The following STK33 variants were observed in gnomAD, a reference collection of about 807,000 sequenced individuals.
The protein encoded by STK33 is serine/threonine-protein kinase 33.
A neutral mutation model predicts 58.0 loss-of-function variants in STK33; 52 were observed. The ratio of observed to expected loss-of-function variants is 0.90; its 90% confidence interval spans 0.72 to 1.13. The LOEUF (loss-of-function observed/expected upper bound fraction) is 1.13. Ranked by LOEUF, STK33 falls within the 50% of genes most tolerant of loss-of-function variation. The pLI, the probability that STK33 is intolerant of heterozygous loss-of-function variation, is 0.00. For synonymous variants in STK33, 215 were observed against 200.1 expected, an observed-to-expected ratio of 1.07 and a Z score of -0.63; for missense variants, 630 against 604.2, an observed-to-expected ratio of 1.04 and a Z score of -0.45.
At chr11:8,357,672 C>T in the STK33 span, among the ~76,000 whole-genome samples, 2 of 152,158 alleles carry the variant, frequency 1.3e-5, no homozygotes, top group Non-Finnish European at 2.9e-5. Context: ...CCTGCCCTCA[C>T]ACCCCTCCCC....
At chr11:8,575,448 C>T (rs1958110800) in intron 1 of STK33, among the ~76,000 whole-genome samples, 1 of 152,184 alleles carries the variant, frequency 6.6e-6, no homozygotes, top group East Asian at 1.9e-4. Flanking sequence ...TCTGATACAA[C>T]ATGGATGAAC....
intron 11 of STK33, among the ~76,000 whole-genome samples, chr11:8,449,398 G>T (rs1945969581): frequency 6.6e-6 from 1 of 151,548 alleles, no homozygotes; most frequent in African/African-American, 2.4e-5. Context: ...GTCCAACAAT[G>T]ATCAACTGGA....
the STK33 span, among the ~76,000 whole-genome samples, chr11:8,355,891 T>C: frequency 2.0e-4 from 30 of 152,316 alleles, no homozygotes; most frequent in South Asian, 4.3e-3. Context: ...ATCATCACAG[T>C]TGGCATGCAA....
chr11:8,416,374 G>A (rs1941125422), intron 14 of STK33, among the ~76,000 whole-genome samples: 1 of 152,068 alleles, frequency 6.6e-6, no homozygotes, highest in Admixed American at 6.6e-5. Context: ...TTAATTCTCA[G>A]TATTTCTAAC....
chr11:8,466,605 G>GCA (rs1948213423), intron 6 of STK33: 1 of 152,282 alleles, frequency 6.6e-6, no homozygotes, highest in Admixed American at 6.5e-5. Flanking sequence ...GACATTAAGT[G>GCA]TCTGTGGCCT....
chr11:8,342,489 G>T, the STK33 span, among the ~76,000 whole-genome samples: 4 of 152,226 alleles, frequency 2.6e-5, no homozygotes, highest in Non-Finnish European at 1.5e-5. Context: ...GCTACTGTTA[G>T]CTTCTTGCTT....
the STK33 span, among the ~76,000 whole-genome samples, chr11:8,373,087 G>C: frequency 1.3e-5 from 2 of 152,190 alleles, no homozygotes; most frequent in Non-Finnish European, 2.9e-5. Flanking sequence ...CCCATGTCTG[G>C]ACCTTGGCTG....
chr11:8,489,257 C>CAAAA (rs377017514), intron 1 of STK33, among the ~76,000 whole-genome samples: 3 of 64,312 alleles, frequency 4.7e-5, no homozygotes, highest in East Asian at 3.4e-4. Context: ...AAGCTATCTC[C>CAAAA]AAAAAAAAAA....
At chr11:8,589,212 G>A in intron 1 of STK33, among the ~76,000 whole-genome samples, 1 of 151,892 alleles carries the variant, frequency 6.6e-6, no homozygotes, top group East Asian at 1.9e-4. Flanking sequence ...ACTTGTACAT[G>A]AATATTCATA....
Position 8,471,035 on chromosome 11 carries a change from G to C in STK33, c.339+2128C>G, listed in dbSNP as rs182089903. On this transcript the variant is annotated intron_variant, in intron 6 of 15. Transcript: ENST00000687296. ...AACTTCAAATTTGTAAAAAACACAAGATCTGCAGAGTGCAATAAATCAAAG... is the reference window on the plus strand; with the variant it reads ...AACTTCAAATTTGTAAAAAACACAACATCTGCAGAGTGCAATAAATCAAAG... Among the ~76,000 whole-genome samples, 7 of 152,212 alleles carry C rather than the reference G, an allele frequency of 4.6e-5. No homozygotes were observed. The South Asian group carries it at 8.3e-4, about 18-fold the overall frequency.
chr11:8,549,028 A>T (rs1227957447), intron 1 of STK33, among the ~76,000 whole-genome samples: 1 of 152,194 alleles, frequency 6.6e-6, no homozygotes, highest in African/African-American at 2.4e-5. Context: ...TTCACAGATG[A>T]CATGATCTTA....
At chr11:8,514,560 G>A (rs1952608181) in intron 1 of STK33, among the ~76,000 whole-genome samples, 2 of 152,168 alleles carry the variant, frequency 1.3e-5, no homozygotes, top group African/African-American at 2.4e-5. Flanking sequence ...GTCCACCAAG[G>A]TTGAGTACCT....
intron 6 of STK33, chr11:8,465,721 GAAATGCCACTCTCA>G (rs1948100802): frequency 1.3e-5 from 2 of 152,482 alleles, no homozygotes; most frequent in Admixed American, 1.3e-4. Flanking sequence ...GCCTTCCATA[GAAATGCCACTCTCA>G]AAATGCCACT....
At chr11:8,456,074 T>C (rs978703202) in intron 9 of STK33, among the ~76,000 whole-genome samples, 9 of 152,206 alleles carry the variant, frequency 5.9e-5, no homozygotes, top group South Asian at 2.1e-4. Flanking sequence ...TTCTTTTTCA[T>C]TGTTGGCTAT....
At chr11:8,502,180 G>A (rs550524783) in intron 1 of STK33, among the ~76,000 whole-genome samples, 9 of 151,970 alleles carry the variant, frequency 5.9e-5, no homozygotes, top group South Asian at 2.1e-4. Flanking sequence ...AAATTAAGTC[G>A]TCCCTAAAAA....
intron 1 of STK33, among the ~76,000 whole-genome samples, chr11:8,555,360 G>A (rs763563237): frequency 7.2e-5 from 11 of 152,084 alleles, no homozygotes; most frequent in African/African-American, 9.7e-5. Flanking sequence ...CATATTGCAC[G>A]TTTAAAAATA....
At chr11:8,554,721 T>C (rs1956611632) in intron 1 of STK33, among the ~76,000 whole-genome samples, 1 of 151,968 alleles carries the variant, frequency 6.6e-6, no homozygotes, top group Non-Finnish European at 1.5e-5. Flanking sequence ...ACTAAAAACA[T>C]CACTACTATA....
At chr11:8,425,354 T>G (rs1300193762) in intron 14 of STK33, among the ~76,000 whole-genome samples, 2 of 152,176 alleles carry the variant, frequency 1.3e-5, no homozygotes, top group African/African-American at 4.8e-5. Flanking sequence ...CATCTCTGTT[T>G]TGCTACCAGT....
At chr11:8,368,293 A>G in the STK33 span, among the ~76,000 whole-genome samples, 1 of 152,320 alleles carries the variant, frequency 6.6e-6, no homozygotes, top group South Asian at 2.1e-4. Flanking sequence ...TTTCCTCAAG[A>G]GCCAGCAGTC....
Sources: allele counts gnomAD v4.1 joint callset (sites outside exome capture counted in the v4.1 genomes callset), GRCh38; gene constraint gnomAD v4.1.1; transcripts MANE v1.5; gene names NCBI Gene and HGNC (gene_info 2026-07-23, HGNC 2026-07-21).